The following CHD7 variants were observed in gnomAD, a reference collection of about 807,000 sequenced individuals.
The protein encoded by CHD7 is chromodomain helicase DNA binding protein 7.
CHD7 carries 24 observed loss-of-function variants against 307.3 expected under a neutral mutation model. The ratio of observed to expected loss-of-function variants is 0.08; its 90% CI spans 0.06 to 0.11. The LOEUF (loss-of-function observed/expected upper bound fraction) is 0.11, where lower values mean the gene tolerates loss of function less well. Ranked by LOEUF, CHD7 falls within the 10% of genes least tolerant of loss-of-function variation. CHD7 has a pLI of 1.00. For missense variants in CHD7, 3,106 were observed against 3,727.1 expected (o/e 0.83, Z 4.34); for synonymous variants, 1,363 against 1,349.9 (o/e 1.01, Z -0.21).
chr8:60,774,318 C>T (rs977636643), intron 2 of CHD7, among the ~76,000 whole-genome samples: 3 of 152,244 alleles, frequency 2.0e-5, no homozygotes, highest in African/African-American at 7.2e-5. Flanking sequence ...CTCACCTCAC[C>T]AGCCTCATAG....
At chr8:60,680,429 CGGCTCCCGGGCGGGGGT>C in intron 1 of CHD7, among the ~76,000 whole-genome samples, 1 of 47,084 alleles carries the variant, frequency 2.1e-5, no homozygotes, top group Admixed American at 2.6e-4. Flanking sequence ...GCGGCGGCGG[CGGCTCCCGGGCGGGGGT>C]GGGGGCGCTG....
At chr8:60,856,991 GA>G in intron 34 of CHD7, 103 bp downstream of exon 34, 1 of 1,009,370 alleles carries the variant, frequency 9.9e-7, no homozygotes, top group Non-Finnish European at 1.4e-6. Flanking sequence ...AGCATTGTAT[GA>G]AAGCCAGCTT....
At chr8:60,818,597 T>C (rs1323184327) in intron 8 of CHD7, among the ~76,000 whole-genome samples, 1 of 152,238 alleles carries the variant, frequency 6.6e-6, no homozygotes, top group African/African-American at 2.4e-5. Flanking sequence ...TTTTTTTGCC[T>C]TACTAATCTA....
At chr8:60,846,548 C>A (rs1805218173) in intron 23 of CHD7, among the ~76,000 whole-genome samples, 1 of 152,178 alleles carries the variant, frequency 6.6e-6, no homozygotes, top group Non-Finnish European at 1.5e-5. Context: ...CTTCGTGTGA[C>A]CTTGAGCAAG....
In CHD7 at chr8:60,741,899, T is replaced by C; in HGVS notation, c.467T>C (p.Ile156Thr). 1 of 1,613,234 alleles carries C rather than the reference T, an allele frequency of 6.2e-7. No homozygotes were observed. The highest frequency in any genetic ancestry group is 8.5e-7 in the Non-Finnish European group (1 of 1,179,624). Residue 156 changes from isoleucine to threonine, a missense_variant, in exon 2 of 38, where the codon ATA becomes ACA. Physicochemically the swap from Ile to Thr is moderately conservative, Grantham distance 89 (BLOSUM62 -1). Transcript: ENST00000423902. ...GPRAVQVPDQIRAPYQQQQPQ... is the reference protein window; with the variant it reads ...GPRAVQVPDQTRAPYQQQQPQ... ...AGGGCTGTTCAGGTACCAGACCAGA[T>C]ACGAGCCCCCTACCAGCAGCAGCAG...
chr8:60,816,750 G>A (rs765615933), intron 8 of CHD7, among the ~76,000 whole-genome samples: 6 of 152,156 alleles, frequency 3.9e-5, no homozygotes, highest in Admixed American at 6.5e-5. Context: ...GATAAAAATC[G>A]TGTAATGAAA....
intron 23 of CHD7, 109 bp from the exon 24 acceptor site, chr8:60,848,406 T>C (rs1271338656): frequency 2.1e-5 from 15 of 701,416 alleles, no homozygotes; most frequent in Non-Finnish European, 3.8e-5. Flanking sequence ...ACAGCATGGC[T>C]AATCAGCCTT....
At chr8:60,752,933 A>C (rs1187345807) in intron 2 of CHD7, among the ~76,000 whole-genome samples, 2 of 152,210 alleles carry the variant, frequency 1.3e-5, no homozygotes, top group African/African-American at 4.8e-5. Flanking sequence ...TACAGCTGTA[A>C]ATCTATAGAT....
chr8:60,835,667 T>A (rs924686134), intron 15 of CHD7, among the ~76,000 whole-genome samples: 2 of 152,196 alleles, frequency 1.3e-5, no homozygotes, highest in African/African-American at 4.8e-5. Context: ...TCGGAACAGA[T>A]TTTGTTGTTT....
intron 3 of CHD7, among the ~76,000 whole-genome samples, chr8:60,786,551 A>G (rs543558344): frequency 1.5e-5 from 2 of 135,568 alleles, no homozygotes; most frequent in Non-Finnish European, 3.3e-5. Flanking sequence ...CCCACTTTCA[A>G]CTTCCACTGC....
At chr8:60,731,197 A>G (rs1808436399) in intron 1 of CHD7, among the ~76,000 whole-genome samples, 1 of 135,388 alleles carries the variant, frequency 7.4e-6, no homozygotes, top group African/African-American at 2.8e-5. Flanking sequence ...TGCTTCCTTT[A>G]AATGAAAAGG....
intron 31 of CHD7, 35 bp from the exon 32 acceptor site, chr8:60,854,328 T>G: frequency 6.3e-7 from 1 of 1,594,778 alleles, no homozygotes; most frequent in Admixed American, 1.7e-5. Context: ...CCTGATACTG[T>G]GGTTGTGAGT....
intron 1 of CHD7, among the ~76,000 whole-genome samples, chr8:60,698,300 A>G (rs934904900): frequency 6.6e-6 from 1 of 152,202 alleles, no homozygotes; most frequent in African/African-American, 2.4e-5. Flanking sequence ...ATTTGAGAGG[A>G]TTTTTGCGTC....
rs137981287 is a variant in CHD7, at chr8:60,685,688, T to C, written c.-175+6606T>C. 1.9e-4 allele frequency among the ~76,000 whole-genome samples: 29 copies of C among 152,250 alleles called. 1 individual carries two copies. Among genetic ancestry groups the C allele is most frequent in the East Asian group, 1.4e-3 (7 of 5,184 alleles). ...AATACTTACCTGGTTTTTAGTGGAG[T>C]ATGTATAAACCAGTTTAATAAGTAA... On this transcript the variant is annotated intron_variant, in intron 1 of 37. Coordinates refer to ENST00000423902, the MANE Select transcript of CHD7 (RefSeq NM_017780.4).
intron 25 of CHD7, 40 bp downstream of exon 25, chr8:60,849,194 G>C (rs140459703): frequency 1.6e-5 from 21 of 1,297,042 alleles, no homozygotes; most frequent in Non-Finnish European, 1.8e-5. Flanking sequence ...CAACTGTATG[G>C]CTTGGTCTTT....
At chr8:60,704,463 G>A (rs1273203482) in intron 1 of CHD7, among the ~76,000 whole-genome samples, 2 of 152,026 alleles carry the variant, frequency 1.3e-5, no homozygotes, top group Non-Finnish European at 2.9e-5. Context: ...CTTGGGCTGG[G>A]GTCTTCTTGC....
intron 7 of CHD7, among the ~76,000 whole-genome samples, chr8:60,811,318 C>T (rs746232592): frequency 6.6e-6 from 1 of 152,184 alleles, no homozygotes. Flanking sequence ...CTTTCCACCC[C>T]ATTCCTGCTT....
intron 1 of CHD7, among the ~76,000 whole-genome samples, chr8:60,730,832 C>G (rs985970550): frequency 6.0e-5 from 9 of 150,330 alleles, no homozygotes; most frequent in Non-Finnish European, 1.3e-4. Flanking sequence ...TGCACTCCAG[C>G]CTGGGCGACA....
intron 1 of CHD7, among the ~76,000 whole-genome samples, chr8:60,699,952 T>C (rs1237075299): frequency 1.3e-5 from 2 of 151,980 alleles, no homozygotes; most frequent in Non-Finnish European, 2.9e-5. Flanking sequence ...TGCCTCAGCC[T>C]CCCGAGTAGC....
Sources: allele counts gnomAD v4.1 joint callset (sites outside exome capture counted in the v4.1 genomes callset), GRCh38; gene constraint gnomAD v4.1.1; transcripts MANE v1.5; gene names NCBI Gene and HGNC (gene_info 2026-07-23, HGNC 2026-07-21).